Variants in TNFRSF11A observed in about 807,000 individuals in gnomAD.
The protein encoded by TNFRSF11A is tumor necrosis factor receptor superfamily member 11A.
TNFRSF11A carries 32 observed loss-of-function variants against 55.7 expected under a neutral mutation model. The observed-to-expected ratio is 0.57, with a 90% CI of 0.43 to 0.77. The LOEUF is 0.77. Among genes scored for constraint, TNFRSF11A ranks in the 30% least tolerant of loss-of-function variants. The pLI, the probability that TNFRSF11A is intolerant of heterozygous loss-of-function variation, is 0.00. For missense variants in TNFRSF11A, 753 were observed against 809.8 expected (o/e 0.93, Z 0.85); for synonymous variants, 311 against 331.0 (o/e 0.94, Z 0.65).
chr18:62,326,190 A>G (rs1303032230), intron 1 of TNFRSF11A, among the ~76,000 whole-genome samples: 1 of 152,346 alleles, frequency 6.6e-6, no homozygotes, highest in Non-Finnish European at 1.5e-5. Flanking sequence ...CTCACAGGGA[A>G]GGGCGAGTGG....
Position 62,360,171 on chromosome 18 carries a change from A to G in TNFRSF11A, c.616+122A>G. On this transcript the variant is annotated intron_variant, in intron 6 of 9. Transcript: ENST00000586569. ...TCTCCCCCTTTATTTCATCCCGTGC[A>G]TGGTCAGCTGAATATTTCATTCTCA... The G allele has an allele frequency of 5.5e-6, 4 of 731,440 alleles. No homozygotes were observed. The East Asian group carries it at 8.2e-5, about 15-fold the overall frequency. 45.3% of individuals were successfully genotyped at this position (731,440 alleles called of 1,614,324 possible).
intron 3 of TNFRSF11A, among the ~76,000 whole-genome samples, chr18:62,352,061 G>T (rs112270564): frequency 1.3e-5 from 2 of 152,204 alleles, no homozygotes; most frequent in Admixed American, 6.5e-5. Flanking sequence ...CTCCCAAAGC[G>T]CTGGGATTAC....
At position 62,354,507 on chromosome 18, in the gene TNFRSF11A, G is replaced by A; in HGVS notation, c.400G>A (p.Ala134Thr). The change falls in exon 4 of 10, where the codon GCG becomes ACG. Residue 134 changes from alanine (A) to threonine (T), a missense_variant. Coordinates refer to ENST00000586569, the MANE Select transcript of TNFRSF11A (RefSeq NM_003839.4). The part of the protein sequence containing the change: ...CECCRRNTEC[A>T]PGLGAQHPLQ... ...GTGCTGCCGCCGCAACACCGAGTGC[G>A]CGCCGGGCCTGGGCGCCCAGCACCC... 1.2e-6 allele frequency: 2 copies of A among 1,602,564 alleles called. No individual in the cohort carries two copies. The highest frequency in any genetic ancestry group is 1.7e-6 in the Non-Finnish European group (2 of 1,179,264).
intron 3 of TNFRSF11A, among the ~76,000 whole-genome samples, chr18:62,350,587 C>T (rs542697581): frequency 3.9e-5 from 6 of 152,266 alleles, no homozygotes; most frequent in South Asian, 4.1e-4. Context: ...CCACCGTGCC[C>T]GGCCTATCCC....
At chr18:62,358,110 CAG>C in intron 4 of TNFRSF11A, 136 bp from the exon 5 acceptor site, 1 of 766,836 alleles carries the variant, frequency 1.3e-6, no homozygotes. Context: ...GGGGTGGGCA[CAG>C]GGGTGGGAGG....
intron 3 of TNFRSF11A, among the ~76,000 whole-genome samples, chr18:62,350,555 G>A (rs1243212205): frequency 6.6e-6 from 1 of 152,116 alleles, no homozygotes; most frequent in African/African-American, 2.4e-5. Flanking sequence ...GCCTTCCAAA[G>A]TGCTGGGATT....
chr18:62,383,845 G>A lies in TNFRSF11A; in HGVS notation c.1568-906G>A, dbSNP rs1473572001. 6.6e-6 allele frequency among the ~76,000 whole-genome samples: 1 copy of A among 151,758 alleles called. No homozygotes were observed. The highest frequency in any genetic ancestry group is 1.5e-5 in the Non-Finnish European group (1 of 67,906). On this transcript the variant is annotated intron_variant, in intron 9 of 9. Transcript: ENST00000586569. This position sits in a 1 kb window ranked among gnomAD's most constrained non-coding sequence, Gnocchi z 4.2. ...TATTTTAGTTTTGTGAATCTGTTTT[G>A]TTTCCGGGAGTAATTTTAATGTTAA...
chr18:62,364,563 T>A (rs117210836), intron 7 of TNFRSF11A, among the ~76,000 whole-genome samples: 5 of 152,084 alleles, frequency 3.3e-5, no homozygotes, highest in African/African-American at 1.2e-4. Context: ...CAGGTATTAT[T>A]TTTTAGTGCC....
intron 9 of TNFRSF11A, among the ~76,000 whole-genome samples, chr18:62,384,234 T>C (rs1360394218): frequency 6.6e-6 from 1 of 151,890 alleles, no homozygotes; most frequent in African/African-American, 2.4e-5. Context: ...TTCTCATCTC[T>C]TCCTCTCCCC....
chr18:62,347,397 G>C (rs2046398935), intron 1 of TNFRSF11A, among the ~76,000 whole-genome samples: 1 of 152,170 alleles, frequency 6.6e-6, no homozygotes, highest in South Asian at 2.1e-4. Flanking sequence ...ATAGATGCCT[G>C]GGCTGCTCTG....
chr18:62,342,168 A>C (rs1372244188), intron 1 of TNFRSF11A, among the ~76,000 whole-genome samples: 1 of 151,852 alleles, frequency 6.6e-6, no homozygotes, highest in Non-Finnish European at 1.5e-5. Context: ...TGGGAGGCTG[A>C]GGTGGGCAAA....
chr18:62,367,862 C>T (rs192036126), intron 8 of TNFRSF11A, among the ~76,000 whole-genome samples: 110 of 133,340 alleles, frequency 8.2e-4, no homozygotes, highest in Middle Eastern at 9.2e-3. Context: ...GGCGCAATCT[C>T]GGCTCACTGC....
intron 7 of TNFRSF11A, among the ~76,000 whole-genome samples, chr18:62,364,612 C>T (rs1909944648): frequency 6.6e-6 from 1 of 152,160 alleles, no homozygotes; most frequent in Admixed American, 6.5e-5. Flanking sequence ...AAGGAAACAG[C>T]TGCAACTGTC....
intron 8 of TNFRSF11A, among the ~76,000 whole-genome samples, 176 bp from the exon 9 acceptor site, chr18:62,368,525 A>G (rs1182562925): frequency 2.6e-5 from 4 of 152,254 alleles, no homozygotes; most frequent in Non-Finnish European, 2.9e-5. Flanking sequence ...ATTCCATTCT[A>G]GAGTTCTCCT....
In TNFRSF11A at chr18:62,359,534, G is replaced by A. The variant is rs753891141; in HGVS notation, c.522-421G>A. Among the ~76,000 whole-genome samples, 13 of 152,002 alleles carry A rather than the reference G, an allele frequency of 8.6e-5. No homozygotes were observed. The South Asian group carries it at 1.7e-3, about 19-fold the overall frequency. On this transcript the variant is annotated intron_variant, in intron 5 of 9. Coordinates refer to ENST00000586569, the MANE Select transcript of TNFRSF11A (RefSeq NM_003839.4). ...AGCTGAGACCACAGGCACGTACACC[G>A]CACCCAGCTGATTTTTAAATTTTTT... is the stretch of plus-strand genomic sequence containing the variant.
chr18:62,344,211 G>T (rs532453890), intron 1 of TNFRSF11A, among the ~76,000 whole-genome samples: 1 of 152,264 alleles, frequency 6.6e-6, no homozygotes, highest in Admixed American at 6.5e-5. Flanking sequence ...GCTATTGTTC[G>T]TTTTGAATTT....
rs1911427518 is a variant in TNFRSF11A, at chr18:62,383,300, G to A, written c.1568-1451G>A. On this transcript the variant is annotated intron_variant, in intron 9 of 9. Coordinates refer to ENST00000586569, the MANE Select transcript of TNFRSF11A (RefSeq NM_003839.4). This position sits in a 1 kb window ranked among gnomAD's most constrained non-coding sequence, Gnocchi z 4.2. ...GTGTTTTGGTCTTGGCTTCTCTAGA[G>A]GTTACCCAGTGGGTCAGGGGAAGGC... 6.6e-6 allele frequency among the ~76,000 whole-genome samples: 1 copy of A among 152,190 alleles called. No homozygotes were observed. The highest frequency in any genetic ancestry group is 1.5e-5 in the Non-Finnish European group (1 of 68,042).
rs1256276605 is a variant in TNFRSF11A, at chr18:62,349,955, G to A, written c.283+18G>A. ...TGATACAGGTGAGCCCGTCCTGTCA[G>A]TGTGTCAGTGGGAAGTGTAGAAACC... On this transcript the variant is annotated intron_variant, in intron 3 of 9. Transcript: ENST00000586569. 1.2e-6 allele frequency: 2 copies of A among 1,613,590 alleles called. No individual in the cohort carries two copies. The highest frequency in any genetic ancestry group is 2.2e-5 in the East Asian group (1 of 44,866).
At chr18:62,379,357 C>G (rs1911111300) in intron 9 of TNFRSF11A, among the ~76,000 whole-genome samples, 1 of 152,230 alleles carries the variant, frequency 6.6e-6, no homozygotes, top group African/African-American at 2.4e-5. Context: ...TCTGCTGCCA[C>G]CTGCTGAATG....
Sources: gnomAD v4.1 joint callset for allele counts (sites outside exome capture counted in the v4.1 genomes callset) on GRCh38, gnomAD v4.1.1 for gene constraint, Gnocchi (gnomAD v3.1) non-coding constraint, MANE v1.5 for transcripts, NCBI Gene and HGNC (gene_info 2026-07-23, HGNC 2026-07-21) for gene names.